Variants in NRXN1 observed in about 807,000 individuals in gnomAD.
The protein encoded by NRXN1 is neurexin 1, also known as neurexin-1.
A neutral mutation model predicts 150.9 loss-of-function variants in NRXN1; 39 were observed. The observed-to-expected ratio is 0.26, with a 90% confidence interval of 0.20 to 0.34. NRXN1 has a LOEUF of 0.34. NRXN1 is among the 10% of genes least tolerant of loss of function. NRXN1 has a pLI of 1.00. For missense variants in NRXN1, 1,815 were observed against 1,949.9 expected (o/e 0.93, Z 1.30); for synonymous variants, 924 against 757.0 (o/e 1.22, Z -3.62).
chr2:50,521,334 T>A (rs2092783284), intron 12 of NRXN1, among the ~76,000 whole-genome samples: 2 of 152,196 alleles, frequency 1.3e-5, no homozygotes, highest in Non-Finnish European at 2.9e-5. Flanking sequence ...TAGACTGATA[T>A]CCTGGGAAGT....
At chr2:50,781,574 C>A (rs1000774719) in intron 5 of NRXN1, among the ~76,000 whole-genome samples, 1 of 152,120 alleles carries the variant, frequency 6.6e-6, no homozygotes, top group African/African-American at 2.4e-5. Context: ...AACCTCACGA[C>A]AACAGTAACA....
intron 21 of NRXN1, chr2:49,974,295 G>A: frequency 3.7e-6 from 2 of 542,228 alleles, no homozygotes; most frequent in Non-Finnish European, 3.5e-6. Flanking sequence ...TGACGAGGCT[G>A]TTGGTACACA....
At chr2:50,852,610 A>G (rs867749107) in intron 5 of NRXN1, among the ~76,000 whole-genome samples, 87 of 152,146 alleles carry the variant, frequency 5.7e-4, no homozygotes, top group African/African-American at 1.9e-3. Flanking sequence ...TGTCTTTCAT[A>G]GAATCTCAGA....
chr2:50,778,917 T>C (rs3914727), intron 5 of NRXN1, among the ~76,000 whole-genome samples: 80,587 of 152,058 alleles, frequency 0.53, 21,717 homozygotes, highest in East Asian at 0.68. Context: ...TAAAAATAAA[T>C]TAAAATATGC....
At chr2:50,518,787 CTTCTTAACA>C (rs1252606616) in intron 12 of NRXN1, among the ~76,000 whole-genome samples, 1 of 151,584 alleles carries the variant, frequency 6.6e-6, no homozygotes. Context: ...CTTTCCATTT[CTTCTTAACA>C]TAAGGATAGC....
intron 5 of NRXN1, among the ~76,000 whole-genome samples, chr2:50,790,858 T>C (rs926711578): frequency 4.6e-5 from 7 of 152,170 alleles, no homozygotes; most frequent in Non-Finnish European, 1.0e-4. Context: ...TGCTTGTATT[T>C]TGACCGCAAC....
At chr2:50,210,269 C>T (rs1477639222) in intron 18 of NRXN1, among the ~76,000 whole-genome samples, 2 of 151,782 alleles carry the variant, frequency 1.3e-5, no homozygotes, top group African/African-American at 4.8e-5. Context: ...CTCATCATCG[C>T]ACTGTGTTTG....
chr2:50,815,453 A>C (rs1668796438), intron 5 of NRXN1, among the ~76,000 whole-genome samples: 1 of 152,172 alleles, frequency 6.6e-6, no homozygotes, highest in Non-Finnish European at 1.5e-5. Flanking sequence ...TGTGAGAATT[A>C]TATTTCAAGC....
chr2:50,673,771 C>G (rs966636421), intron 5 of NRXN1, among the ~76,000 whole-genome samples: 3 of 152,068 alleles, frequency 2.0e-5, no homozygotes, highest in Non-Finnish European at 4.4e-5. Flanking sequence ...TTATCAGGGT[C>G]TATTTTACTT....
intron 17 of NRXN1, among the ~76,000 whole-genome samples, chr2:50,356,903 C>A (rs1272261115): frequency 6.6e-6 from 1 of 151,876 alleles, no homozygotes; most frequent in Non-Finnish European, 1.5e-5. Context: ...GGCACCTAAT[C>A]AAAGAGATAC....
At chr2:50,098,312 T>C (rs913385238) in intron 18 of NRXN1, among the ~76,000 whole-genome samples, 5 of 152,126 alleles carry the variant, frequency 3.3e-5, no homozygotes, top group African/African-American at 9.7e-5. Flanking sequence ...AAATCGTGCA[T>C]GCAAATACTC....
intron 5 of NRXN1, among the ~76,000 whole-genome samples, chr2:50,891,546 A>G (rs1681067998): frequency 6.6e-6 from 1 of 152,074 alleles, no homozygotes; most frequent in African/African-American, 2.4e-5. Flanking sequence ...AAGATTCTCA[A>G]CTGCTCAAGA....
intron 16 of NRXN1, among the ~76,000 whole-genome samples, chr2:50,470,821 A>G (rs990836534): frequency 6.6e-6 from 1 of 151,768 alleles, no homozygotes; most frequent in Middle Eastern, 3.2e-3. Flanking sequence ...TTGAAGTGAA[A>G]ATTATCTAAA....
At chr2:50,654,131 T>C (rs1686045836) in intron 5 of NRXN1, among the ~76,000 whole-genome samples, 1 of 148,800 alleles carries the variant, frequency 6.7e-6, no homozygotes, top group Non-Finnish European at 1.5e-5. Context: ...CTGCACCCAT[T>C]AACTCGTCAT....
At chr2:50,850,742 G>GT (rs10559451) in intron 5 of NRXN1, among the ~76,000 whole-genome samples, 39 of 150,328 alleles carry the variant, frequency 2.6e-4, no homozygotes, top group African/African-American at 3.9e-4. Context: ...TTAAACTAAG[G>GT]TTTTTTTTTT....
chr2:50,918,302 C>T (rs1302015266), intron 5 of NRXN1: 8 of 205,882 alleles, frequency 3.9e-5, no homozygotes, highest in Middle Eastern at 1.6e-3. Context: ...CAAACAAATA[C>T]ATTTAAGTCA....
intron 2 of NRXN1, among the ~76,000 whole-genome samples, chr2:51,013,488 G>C (rs1201795535): frequency 6.6e-6 from 1 of 151,792 alleles, no homozygotes; most frequent in Non-Finnish European, 1.5e-5. Context: ...GGTTTTGTAG[G>C]GGGAGGGGAG....
At chr2:50,536,611 T>C (rs982713049) in intron 10 of NRXN1, among the ~76,000 whole-genome samples, 5 of 152,204 alleles carry the variant, frequency 3.3e-5, no homozygotes, top group African/African-American at 1.2e-4. Flanking sequence ...CAGCTTCACT[T>C]AACCAAGAGG....
intron 2 of NRXN1, among the ~76,000 whole-genome samples, chr2:50,994,272 T>C (rs2105018260): frequency 6.6e-6 from 1 of 152,086 alleles, no homozygotes; most frequent in Middle Eastern, 3.4e-3. Flanking sequence ...TCTCTCTCTC[T>C]CTAAATTTAA....
Sources: allele counts gnomAD v4.1 joint callset (sites outside exome capture counted in the v4.1 genomes callset), GRCh38; gene constraint gnomAD v4.1.1; transcripts MANE v1.5; gene names NCBI Gene and HGNC (gene_info 2026-07-23, HGNC 2026-07-21).